The following SGCZ variants were observed in gnomAD, a reference collection of about 807,000 sequenced individuals.
SGCZ encodes the protein zeta-sarcoglycan.
Under a neutral mutation model 41.3 loss-of-function variants are expected in SGCZ, and 40 were observed. That is an observed-to-expected ratio of 0.97 (90% CI 0.75 to 1.26). The LOEUF is 1.26. Among genes scored for constraint, SGCZ ranks in the 50% most tolerant of loss-of-function variants. The pLI is 0.00. For missense variants in SGCZ, 552 were observed against 369.8 expected (o/e 1.49, Z -4.04); for synonymous variants, 206 against 137.5 (o/e 1.50, Z -3.49).
At chr8:14,601,950 C>T (rs1805602748) in intron 1 of SGCZ, among the ~76,000 whole-genome samples, 1 of 151,982 alleles carries the variant, frequency 6.6e-6, no homozygotes, top group Admixed American at 6.6e-5. Context: ...GAAACCCCGT[C>T]TCTACTGAAA....
At chr8:14,114,342 A>G (rs967461817) in intron 5 of SGCZ, among the ~76,000 whole-genome samples, 4 of 151,994 alleles carry the variant, frequency 2.6e-5, no homozygotes, top group Admixed American at 1.3e-4. Flanking sequence ...GATTATCTGA[A>G]TGTATTGAAA....
At chr8:14,867,423 G>A (rs1038709641) in intron 1 of SGCZ, among the ~76,000 whole-genome samples, 1 of 152,096 alleles carries the variant, frequency 6.6e-6, no homozygotes, top group African/African-American at 2.4e-5. Context: ...ACACATGCAT[G>A]TATCTTTATA....
intron 1 of SGCZ, among the ~76,000 whole-genome samples, chr8:14,612,965 C>T (rs1219459617): frequency 6.6e-6 from 1 of 152,112 alleles, no homozygotes; most frequent in African/African-American, 2.4e-5. Flanking sequence ...GGATTACAGG[C>T]GTGAGCCACC....
At chr8:14,740,544 G>C (rs1026577897) in intron 1 of SGCZ, among the ~76,000 whole-genome samples, 2 of 151,996 alleles carry the variant, frequency 1.3e-5, no homozygotes, top group African/African-American at 4.8e-5. Flanking sequence ...GTCCACTAAT[G>C]ATGTCCCATT....
intron 1 of SGCZ, among the ~76,000 whole-genome samples, chr8:14,932,068 A>T (rs1799937645): frequency 6.6e-6 from 1 of 151,928 alleles, no homozygotes; most frequent in Non-Finnish European, 1.5e-5. Context: ...AAATTACAAC[A>T]TCATTATTAC....
At chr8:14,404,875 G>T (rs1019099121) in intron 2 of SGCZ, among the ~76,000 whole-genome samples, 1 of 152,198 alleles carries the variant, frequency 6.6e-6, no homozygotes, top group South Asian at 2.1e-4. Flanking sequence ...GAGACTGGGA[G>T]CAAGAGGAGT....
At chr8:14,506,393 A>G (rs1309505413) in intron 2 of SGCZ, among the ~76,000 whole-genome samples, 1 of 151,858 alleles carries the variant, frequency 6.6e-6, no homozygotes, top group South Asian at 2.1e-4. Flanking sequence ...CAGCTCCACT[A>G]TCTCTTCTAT....
At chr8:14,814,560 A>G (rs1801840126) in intron 1 of SGCZ, among the ~76,000 whole-genome samples, 3 of 152,184 alleles carry the variant, frequency 2.0e-5, no homozygotes. Context: ...TAGCCAAAGA[A>G]ATAATTGACC....
chr8:14,246,765 C>G (rs1435579449), intron 3 of SGCZ, among the ~76,000 whole-genome samples: 2 of 151,350 alleles, frequency 1.3e-5, no homozygotes, highest in Non-Finnish European at 2.9e-5. Flanking sequence ...AAGAAATTAG[C>G]CAGTCATAGT....
intron 1 of SGCZ, among the ~76,000 whole-genome samples, chr8:14,620,077 G>A: frequency 6.6e-6 from 1 of 152,106 alleles, no homozygotes. Context: ...GCATGGTACT[G>A]GTACCAAAAC....
intron 1 of SGCZ, among the ~76,000 whole-genome samples, chr8:14,908,644 G>C (rs1347159659): frequency 6.6e-6 from 1 of 151,412 alleles, no homozygotes; most frequent in African/African-American, 2.4e-5. Flanking sequence ...CAGCTACTCA[G>C]GAGGCTGAGG....
At chr8:14,222,355 A>T (rs113082031) in intron 4 of SGCZ, among the ~76,000 whole-genome samples, 2,012 of 152,046 alleles carry the variant, frequency 0.013, 21 homozygotes, top group Non-Finnish European at 0.02. Flanking sequence ...TTTTTAGTAG[A>T]AACGGGGTTT....
intron 5 of SGCZ, among the ~76,000 whole-genome samples, chr8:14,116,970 A>G (rs926728502): frequency 6.6e-6 from 1 of 152,096 alleles, no homozygotes; most frequent in Non-Finnish European, 1.5e-5. Context: ...TGCAATTTAT[A>G]ACGATTAAAA....
intron 1 of SGCZ, among the ~76,000 whole-genome samples, chr8:14,929,515 C>G (rs1352163252): frequency 6.6e-6 from 1 of 150,828 alleles, no homozygotes; most frequent in Non-Finnish European, 1.5e-5. Flanking sequence ...GCTGACGCAG[C>G]CTAACACAAT....
chr8:14,333,265 A>G (rs1219228755), intron 2 of SGCZ, among the ~76,000 whole-genome samples: 1 of 152,136 alleles, frequency 6.6e-6, no homozygotes, highest in East Asian at 1.9e-4. Context: ...CAAGGGTGCT[A>G]TCATAAACAA....
At chr8:14,876,150 T>C (rs1047659697) in intron 1 of SGCZ, among the ~76,000 whole-genome samples, 1 of 152,146 alleles carries the variant, frequency 6.6e-6, no homozygotes. Flanking sequence ...TAGGGATCTC[T>C]TAAAAGCACT....
At chr8:14,330,003 C>T (rs539395412) in intron 2 of SGCZ, among the ~76,000 whole-genome samples, 30 of 152,224 alleles carry the variant, frequency 2.0e-4, no homozygotes, top group African/African-American at 6.7e-4. Flanking sequence ...TCTTCACTGC[C>T]ATTTCCTTTT....
intron 2 of SGCZ, among the ~76,000 whole-genome samples, chr8:14,550,326 A>C (rs1017450585): frequency 1.3e-5 from 2 of 150,054 alleles, no homozygotes; most frequent in Non-Finnish European, 3.0e-5. Context: ...ATTTATATTT[A>C]TGCATTTATT....
At chr8:14,212,188 CAAG>C (rs1805831246) in intron 4 of SGCZ, among the ~76,000 whole-genome samples, 1 of 151,994 alleles carries the variant, frequency 6.6e-6, no homozygotes, top group Admixed American at 6.6e-5. Flanking sequence ...GATCTTTCAC[CAAG>C]AAGCAGAAGG....
Sources: allele counts gnomAD v4.1 joint callset (sites outside exome capture counted in the v4.1 genomes callset), GRCh38; gene constraint gnomAD v4.1.1; transcripts MANE v1.5; gene names NCBI Gene and HGNC (gene_info 2026-07-23, HGNC 2026-07-21).